Variants in JADE2 observed in about 807,000 individuals in gnomAD.
JADE2 encodes E3 ubiquitin-protein ligase Jade-2.
Under a neutral mutation model 85.7 loss-of-function variants are expected in JADE2, and 13 were observed. The ratio of observed to expected loss-of-function variants is 0.15; its 90% CI spans 0.10 to 0.24. JADE2 has a LOEUF of 0.24. JADE2 is among the 10% of genes least tolerant of loss of function. The pLI is 1.00. For missense variants in JADE2, 846 were observed against 1,115.9 expected, an observed-to-expected ratio of 0.76 and a Z score of 3.45; for synonymous variants, 440 against 456.1, an observed-to-expected ratio of 0.96 and a Z score of 0.45.
At chr5:134,541,854 G>T (rs767719029) in intron 3 of JADE2, among the ~76,000 whole-genome samples, 5 of 152,262 alleles carry the variant, frequency 3.3e-5, no homozygotes, top group Non-Finnish European at 7.3e-5. Flanking sequence ...GCACTCTACA[G>T]CAAGTGAGGT....
chr5:134,549,974 G>T (rs1443480220), intron 3 of JADE2, among the ~76,000 whole-genome samples: 1 of 152,210 alleles, frequency 6.6e-6, no homozygotes, highest in Non-Finnish European at 1.5e-5. Context: ...CTGAGCTCAG[G>T]AGAGTCTCCA....
intron 5 of JADE2, 122 bp from the exon 6 acceptor site, chr5:134,560,624 G>T: frequency 1.3e-6 from 1 of 778,430 alleles, no homozygotes; most frequent in Non-Finnish European, 2.1e-6. Context: ...CCAACAGTGG[G>T]TGGGCAGAAA....
At position 134,562,217 on chromosome 5, in the gene JADE2, C is replaced by G. The variant is rs1410903599; in HGVS notation, c.702C>G (p.Leu234=). The G allele has an allele frequency of 5.0e-6, 8 of 1,612,554 alleles. No homozygotes were observed. The highest frequency in any genetic ancestry group is 1.3e-5 in the African/African-American group (1 of 75,020). ...VCVHQACYGI[L]KVPTGSWLCR... is the part of the protein sequence containing the mutation. ...TCTCCTAGGCATGCTACGGGATCCTCAAGGTGCCCACGGGCAGCTGGCTGT... is the reference window on the plus strand; with the variant it reads ...TCTCCTAGGCATGCTACGGGATCCTGAAGGTGCCCACGGGCAGCTGGCTGT... The change falls in exon 7 of 12, where the codon CTC becomes CTG. Residue 234 remains leucine (L), a synonymous_variant. Transcript: ENST00000681547. This position sits in a 1 kb window ranked among gnomAD's most constrained non-coding sequence, Gnocchi z 4.6.
chr5:134,561,100 T>A, intron 6 of JADE2, 143 bp downstream of exon 6: 1 of 714,086 alleles, frequency 1.4e-6, no homozygotes, highest in Non-Finnish European at 2.3e-6. Flanking sequence ...TGCTTCATGG[T>A]ACCATGTGCA....
chr5:134,562,686 C>T lies in JADE2; in HGVS notation c.852+319C>T, dbSNP rs1279923652. On this transcript the variant is annotated intron_variant, in intron 7 of 11. Transcript: ENST00000681547. This position sits in a 1 kb window ranked among gnomAD's most constrained non-coding sequence, Gnocchi z 4.6. ...GGCAGAGGCAGGAGAATCACTTGAA[C>T]CTGGGAGTTGGAGGTTGCAGTGAAC... 1.3e-5 allele frequency among the ~76,000 whole-genome samples: 2 copies of T among 152,128 alleles called. No individual in the cohort carries two copies. Among genetic ancestry groups the T allele is most frequent in the African/African-American group, 4.8e-5 (2 of 41,426 alleles).
In JADE2 at chr5:134,578,450, A is replaced by G; in HGVS notation, c.1682-44A>G. The G allele has an allele frequency of 1.4e-6, 2 of 1,442,612 alleles. No homozygotes were observed. Among genetic ancestry groups the G allele is most frequent in the Non-Finnish European group, 9.5e-7 (1 of 1,053,028 alleles). 89.4% of individuals were successfully genotyped at this position (1,442,612 alleles called of 1,614,324 possible). ...TCAGTGGGCTTCCTGAAAGGGTGGG[A>G]CACACGTCTGCTGGCGTCTCACTTG... On this transcript the variant is annotated intron_variant, in intron 11 of 11. Transcript: ENST00000681547. The surrounding 1 kb of genome is among the most constrained non-coding windows in gnomAD (Gnocchi z 4.4).
chr5:134,529,340 A>G (rs1276126783), intron 1 of JADE2, among the ~76,000 whole-genome samples: 4 of 152,188 alleles, frequency 2.6e-5, no homozygotes, highest in Non-Finnish European at 2.9e-5. Context: ...CTCCTTTCAG[A>G]CAGCCCATAG....
In JADE2 at chr5:134,562,906, C is replaced by T. The variant is rs149352211; in HGVS notation, c.852+539C>T. Among the ~76,000 whole-genome samples the T allele has an allele frequency of 5.9e-3, 892 of 152,170 alleles. 5 individuals are homozygous for T. Among genetic ancestry groups the T allele is most frequent in the Middle Eastern group, 0.017 (5 of 294 alleles). On this transcript the variant is annotated intron_variant, in intron 7 of 11. Transcript: ENST00000681547. The surrounding 1 kb of genome is among the most constrained non-coding windows in gnomAD (Gnocchi z 4.6). Reference sequence around the variant, plus strand: ...TCTATGAGAAAATGGGGTTAGGGACCGCTAGGAGATTTCAGGAGATAGGGA... The same window carrying T: ...TCTATGAGAAAATGGGGTTAGGGACTGCTAGGAGATTTCAGGAGATAGGGA...
rs1243951219 is a variant in JADE2, at chr5:134,582,860, TGAAA to T, written c.*3544_*3547del. 4.6e-5 allele frequency: 7 copies of T among 152,644 alleles called. No homozygotes were observed. The highest frequency in any genetic ancestry group is 8.8e-5 in the Non-Finnish European group (6 of 68,046). The allele number at this position is 152,644 out of a possible 1,614,324, so 9.5% of individuals were successfully genotyped here. The stretch of plus-strand genomic sequence containing the variant: ...TACAAGAGAAATATTGAAAATATAT[TGAAA>T]AGAGCAATTTTAAATTATTTTTGGC... On this transcript the variant is annotated 3_prime_UTR_variant, in exon 12 of 12. Coordinates refer to ENST00000681547, the MANE Select transcript of JADE2 (RefSeq NM_001388185.1).
Position 134,525,808 on chromosome 5 carries a change from C to T in JADE2, c.-204C>T, listed in dbSNP as rs913515729. On this transcript the variant is annotated 5_prime_UTR_variant, in exon 1 of 12. Transcript: ENST00000681547. The stretch of plus-strand genomic sequence containing the variant: ...CGGCACCGGCTTAGGTCCTGCGGGC[C>T]GACCGTCCCCGGCGGGGGGCGTGGG... 2.0e-6 allele frequency: 2 copies of T among 1,016,218 alleles called. No individual in the cohort carries two copies. Among genetic ancestry groups the T allele is most frequent in the African/African-American group, 1.7e-5 (1 of 57,366 alleles). The allele number at this position is 1,016,218 out of a possible 1,614,324, so 63.0% of individuals were successfully genotyped here.
intron 1 of JADE2, 107 bp downstream of exon 1, chr5:134,526,118 C>A: frequency 1.3e-5 from 13 of 984,936 alleles, no homozygotes; most frequent in Non-Finnish European, 1.6e-5. Flanking sequence ...CTCTCTTGCT[C>A]GCTCGCTCCC....
intron 8 of JADE2, among the ~76,000 whole-genome samples, chr5:134,565,046 T>G (rs1323740549): frequency 6.6e-6 from 1 of 152,196 alleles, no homozygotes; most frequent in East Asian, 1.9e-4. Context: ...AAGTCTAGCA[T>G]GCGTCAGAAT....
At chr5:134,531,256 C>T (rs1761215789) in intron 1 of JADE2, among the ~76,000 whole-genome samples, 1 of 152,058 alleles carries the variant, frequency 6.6e-6, no homozygotes, top group African/African-American at 2.4e-5. Context: ...TGAAAGGAGC[C>T]CAGCATGGCT....
At chr5:134,537,214 C>T (rs1761648823) in intron 2 of JADE2, among the ~76,000 whole-genome samples, 1 of 152,226 alleles carries the variant, frequency 6.6e-6, no homozygotes, top group Non-Finnish European at 1.5e-5. Context: ...ACTGTGCCCA[C>T]CCATGGCTGC....
chr5:134,541,565 T>C (rs1244164010), intron 3 of JADE2, among the ~76,000 whole-genome samples: 3 of 152,142 alleles, frequency 2.0e-5, no homozygotes, highest in East Asian at 1.9e-4. Context: ...AGGCTGGTCA[T>C]GTGGTTTGCT....
At chr5:134,531,070 GT>G (rs1376382522) in intron 1 of JADE2, among the ~76,000 whole-genome samples, 38 of 152,362 alleles carry the variant, frequency 2.5e-4, no homozygotes, top group Non-Finnish European at 4.1e-4. Context: ...ACACTGGGTG[GT>G]GAATTTCTTC....
chr5:134,580,817 A>C lies in JADE2; in HGVS notation c.*1500A>C, dbSNP rs992594208. 3 of 152,638 alleles carry C rather than the reference A, an allele frequency of 2.0e-5. No homozygotes were observed. The highest frequency in any genetic ancestry group is 4.8e-5 in the African/African-American group (2 of 41,436). 9.5% of individuals were successfully genotyped at this position (152,638 alleles called of 1,614,324 possible). A position where few individuals can be genotyped will look rare whatever the true frequency, so the allele number is the denominator to read the frequency against. On this transcript the variant is annotated 3_prime_UTR_variant, in exon 12 of 12. Transcript: ENST00000681547. ...TTCATTGCACACACCCAAGGAGAAG[A>C]GCTCAAGCGCTTGGAAGAGGATGCT...
chr5:134,555,088 C>T (rs1272516921), intron 4 of JADE2, among the ~76,000 whole-genome samples: 2 of 152,138 alleles, frequency 1.3e-5, no homozygotes, highest in Admixed American at 6.5e-5. Flanking sequence ...CCTGTGCCCC[C>T]GTCATCCCAG....
chr5:134,536,001 G>C, intron 2 of JADE2, 86 bp downstream of exon 2: 1 of 1,170,854 alleles, frequency 8.5e-7, no homozygotes, highest in Non-Finnish European at 1.3e-6. Flanking sequence ...AGGCTGCCCT[G>C]TGGTCTTAAT....
Sources: allele counts gnomAD v4.1 joint callset (sites outside exome capture counted in the v4.1 genomes callset), GRCh38; gene constraint gnomAD v4.1.1; non-coding constraint Gnocchi (gnomAD v3.1); transcripts MANE v1.5; gene names NCBI Gene and HGNC (gene_info 2026-07-23, HGNC 2026-07-21).